Variants in BRWD1 observed in about 807,000 individuals in gnomAD.
The protein encoded by BRWD1 is bromodomain and WD repeat-containing protein 1.
BRWD1 carries 82 observed loss-of-function variants against 251.2 expected under a neutral mutation model. The ratio of observed to expected loss-of-function variants is 0.33; its 90% CI spans 0.27 to 0.39. BRWD1 has a LOEUF of 0.39. Among genes scored for constraint, BRWD1 ranks in the 10% least tolerant of loss-of-function variants. The pLI, the probability that BRWD1 is intolerant of heterozygous loss-of-function variation, is 1.00. For missense variants in BRWD1, 2,233 were observed against 2,711.6 expected (o/e 0.82, Z 3.92); for synonymous variants, 918 against 902.8 (o/e 1.02, Z -0.30).
rs545611258 is a variant in BRWD1 at position 39,267,683 on chromosome 21, C to A, written c.1530+2216G>T. On this transcript the variant is annotated intron_variant, in intron 15 of 40. Coordinates refer to ENST00000342449, the MANE Select transcript of BRWD1 (RefSeq NM_033656.4). The stretch of plus-strand genomic sequence containing the variant: ...CACAAAATGTCTCAAACATATAAAG[C>A]CTTAACAGTGCTAAAACCCTTTTAC... 6.6e-5 allele frequency among the ~76,000 whole-genome samples: 10 copies of A among 152,208 alleles called. No individual in the cohort carries two copies. In the South Asian group the frequency reaches 2.1e-3, roughly 32 times the overall value.
At chr21:39,214,054 T>C (rs1202938775) in intron 32 of BRWD1, among the ~76,000 whole-genome samples, 2 of 152,048 alleles carry the variant, frequency 1.3e-5, no homozygotes, top group Non-Finnish European at 2.9e-5. Context: ...GGTAGATAAT[T>C]TTCCTGAAGT....
intron 4 of BRWD1, 107 bp downstream of exon 4, chr21:39,312,734 G>T: frequency 1.3e-6 from 1 of 773,292 alleles, no homozygotes; most frequent in Non-Finnish European, 2.0e-6. Flanking sequence ...GCCCCCCAGT[G>T]CGGGTCACAC....
chr21:39,194,284 C>G lies in BRWD1; in HGVS notation c.*1975G>C. On this transcript the variant is annotated 3_prime_UTR_variant, in exon 41 of 41. Coordinates refer to ENST00000342449, the MANE Select transcript of BRWD1 (RefSeq NM_033656.4). ...TATGGATTTTTTTGGTACCTTTTTG[C>G]AAATGATGGTAAACATGGAGTTAAA... 1.0e-6 allele frequency: 1 copy of G among 989,444 alleles called. No homozygotes were observed. The allele number at this position is 989,444 out of a possible 1,614,324, so 61.3% of individuals were successfully genotyped here.
At chr21:39,207,454 ACAC>A (rs2032453067) in intron 36 of BRWD1, among the ~76,000 whole-genome samples, 1 of 120,638 alleles carries the variant, frequency 8.3e-6, no homozygotes, top group Non-Finnish European at 2.0e-5. Flanking sequence ...AAAAGAAAAC[ACAC>A]ACACACACAC....
Position 39,202,427 on chromosome 21 carries a change from C to T in BRWD1, c.4483G>A (p.Gly1495Ser), listed in dbSNP as rs1377369639. ...CCAGAAGTAACACCTGAAGAGATAC[C>T]AGCACTTGTCTTGTGGGTTCCAAGA... ...AYLGTHKTSA[G>S]ISSGVTSGDS... The change falls in exon 38 of 41, where the codon GGT becomes AGT. Residue 1495 changes from glycine to serine, a missense_variant. Around this residue, in one of 12 missense-constraint regions of BRWD1, gnomAD observed 928 missense variants for 970.0 expected, o/e 0.96. Transcript: ENST00000342449. 1.2e-6 allele frequency: 2 copies of T among 1,614,026 alleles called. No homozygotes were observed. The highest frequency in any genetic ancestry group is 1.3e-5 in the African/African-American group (1 of 75,026).
intron 5 of BRWD1, 70 bp from the exon 6 acceptor site, chr21:39,296,433 T>TA: frequency 1.4e-6 from 2 of 1,443,154 alleles, no homozygotes; most frequent in South Asian, 1.7e-5. Flanking sequence ...ATAGAATACT[T>TA]ACGTATATTG....
At chr21:39,205,020 AG>A (rs1366640337) in intron 37 of BRWD1, among the ~76,000 whole-genome samples, 1 of 152,230 alleles carries the variant, frequency 6.6e-6, no homozygotes, top group Non-Finnish European at 1.5e-5. Context: ...ATCCTTAATA[AG>A]ATTTGAAAAA....
At chr21:39,302,292 A>T (rs888728299) in intron 4 of BRWD1, among the ~76,000 whole-genome samples, 2 of 152,136 alleles carry the variant, frequency 1.3e-5, no homozygotes, top group African/African-American at 4.8e-5. Context: ...CCAAACCTTC[A>T]TTAAAAGAAA....
chr21:39,315,813 G>A (rs2036692523), upstream of BRWD1: 1 of 152,080 alleles, frequency 6.6e-6, no homozygotes, highest in African/African-American at 2.4e-5. Flanking sequence ...AGGGGAAACA[G>A]ATGTAAGCAA....
At position 39,215,371 on chromosome 21, in the gene BRWD1, T is replaced by C. The variant is rs2032842556; in HGVS notation, c.3660-9A>G. ...CTAACGCAGACAGCCTCCTTCAAAA[T>C]AAAGTAGACAATTTAGGGCTTAGAA... is the stretch of plus-strand genomic sequence containing the variant. On this transcript the variant is annotated splice_polypyrimidine_tract_variant and intron_variant, in intron 31 of 40. Transcript: ENST00000342449. 1.2e-6 allele frequency: 2 copies of C among 1,610,666 alleles called. No individual in the cohort carries two copies. Among genetic ancestry groups the C allele is most frequent in the South Asian group, 1.1e-5 (1 of 90,754 alleles).
At position 39,199,133 on chromosome 21, in the gene BRWD1, TTTAGAGTCTTCCTCAGAAGACTCTA is replaced by T; in HGVS notation, c.5258_5282del (p.Ile1753LysfsTer59). On this transcript the variant is annotated frameshift_variant, in exon 40 of 41. Transcript: ENST00000342449. LOFTEE classifies it high-confidence loss of function. ...TACATGCATGATCTGAATCATGACT[TTTAGAGTCTTCCTCAGAAGACTCTA>T]TTTTAAGAAATTTTGTCTTTGAAGG... 6.2e-7 allele frequency: 1 copy of T among 1,614,046 alleles called. No homozygotes were observed.
At position 39,200,353 on chromosome 21, in the gene BRWD1, A is replaced by G. The variant is rs2032048626; in HGVS notation, c.4619T>C (p.Leu1540Ser). 1.2e-6 allele frequency: 2 copies of G among 1,613,002 alleles called. No homozygotes were observed. Among genetic ancestry groups the G allele is most frequent in the East Asian group, 4.5e-5 (2 of 44,878 alleles). The change falls in exon 39 of 41, where the codon TTG (leucine) becomes TCG (serine). Residue 1540 changes from leucine to serine, a missense_variant. Leu to Ser is a moderately radical substitution (Grantham distance 145). This residue lies in a region of BRWD1 where 928 missense variants were observed against 970.0 expected (regional missense o/e 0.96). Coordinates refer to ENST00000342449, the MANE Select transcript of BRWD1 (RefSeq NM_033656.4). ...AGAACTACTGGAAGCTGACGATGAC[A>G]AAGAGGTAGCTAAAGAATCTTCCAC... Reference protein sequence around the residue: ...SEVEDSLATSLSSSASSSSEE... With the variant: ...SEVEDSLATSSSSSASSSSEE...
chr21:39,286,420 G>C (rs894402462), intron 8 of BRWD1, among the ~76,000 whole-genome samples: 2 of 152,148 alleles, frequency 1.3e-5, no homozygotes, highest in Admixed American at 6.5e-5. Flanking sequence ...TATTTCACAA[G>C]ATAAACTGCA....
intron 31 of BRWD1, chr21:39,217,214 G>GC (rs1404600922): frequency 6.7e-6 from 1 of 149,586 alleles, no homozygotes; most frequent in Non-Finnish European, 1.5e-5. Flanking sequence ...TCCTGCCTCA[G>GC]CCTCCCAAGT....
chr21:39,205,381 G>A (rs2032339001), intron 37 of BRWD1, among the ~76,000 whole-genome samples: 1 of 152,176 alleles, frequency 6.6e-6, no homozygotes, highest in Admixed American at 6.5e-5. Flanking sequence ...GGAAGCTGAG[G>A]TGAGAGGGAC....
At chr21:39,239,528 G>A (rs371227066) in intron 21 of BRWD1, among the ~76,000 whole-genome samples, 1 of 152,102 alleles carries the variant, frequency 6.6e-6, no homozygotes, top group African/African-American at 2.4e-5. Context: ...TTGTTCCATT[G>A]ATCTGTTCTT....
At chr21:39,223,997 C>T (rs2033283573) in intron 29 of BRWD1, among the ~76,000 whole-genome samples, 2 of 152,092 alleles carry the variant, frequency 1.3e-5, no homozygotes, top group Admixed American at 6.5e-5. Context: ...TACAGGCACA[C>T]GCCACCATGC....
chr21:39,286,298 G>A (rs1185697268), intron 8 of BRWD1, among the ~76,000 whole-genome samples: 1 of 152,006 alleles, frequency 6.6e-6, no homozygotes, highest in Non-Finnish European at 1.5e-5. Context: ...GATTACAGGC[G>A]TAAGCCACCG....
At chr21:39,210,548 AT>A (rs922495879) in intron 35 of BRWD1, among the ~76,000 whole-genome samples, 1 of 152,214 alleles carries the variant, frequency 6.6e-6, no homozygotes, top group Non-Finnish European at 1.5e-5. Flanking sequence ...AAGTAGATCC[AT>A]CCCACTGTTA....
Sources: gnomAD v4.1 joint callset for allele counts (sites outside exome capture counted in the v4.1 genomes callset) on GRCh38, gnomAD v4.1.1 for gene constraint, gnomAD v4.1.1 regional missense constraint, MANE v1.5 for transcripts, NCBI Gene and HGNC (gene_info 2026-07-23, HGNC 2026-07-21) for gene names.